The following MARCHF1 variants were observed in gnomAD, a reference collection of about 807,000 sequenced individuals.
MARCHF1 encodes membrane associated ring-CH-type finger 1.
MARCHF1 carries 40 observed loss-of-function variants against 54.2 expected under a neutral mutation model. The ratio of observed to expected loss-of-function variants is 0.74; its 90% CI spans 0.57 to 0.96. The LOEUF is 0.96. Ranked by LOEUF, MARCHF1 falls within the 40% of genes least tolerant of loss-of-function variation. The pLI is 0.00. For synonymous variants in MARCHF1, 236 were observed against 236.3 expected (o/e 1.00, Z 0.01); for missense variants, 586 against 656.5 (o/e 0.89, Z 1.17).
chr4:163,590,485 G>A (rs1450094122), intron 7 of MARCHF1, among the ~76,000 whole-genome samples: 1 of 152,080 alleles, frequency 6.6e-6, no homozygotes, highest in Admixed American at 6.6e-5. Context: ...CTTTAAGACT[G>A]TGTTCCTTCC....
chr4:164,176,972 CTCTCTCTCTATATATATATATATATAT>C (rs1730696554), intron 1 of MARCHF1, among the ~76,000 whole-genome samples: 1 of 56,834 alleles, frequency 1.8e-5, no homozygotes, highest in Non-Finnish European at 3.1e-5. Flanking sequence ...CTCTCTCTCT[CTCTCTCTCTATATATATATATATATAT>C]ATATATATAT....
At chr4:163,707,692 A>C (rs1511782) in intron 4 of MARCHF1, among the ~76,000 whole-genome samples, 48,286 of 151,016 alleles carry the variant, frequency 0.32, 9,422 homozygotes, top group Non-Finnish European at 0.45. Flanking sequence ...TCATGCAGTA[A>C]TTTCACCCTT....
intron 8 of MARCHF1, among the ~76,000 whole-genome samples, chr4:163,545,945 ATATGTG>A (rs1738886915): frequency 2.2e-5 from 2 of 91,238 alleles, no homozygotes; most frequent in East Asian, 3.1e-4. Flanking sequence ...ACTTAAATAC[ATATGTG>A]TGTGTGTGTG....
At chr4:164,331,175 AT>A (rs575667339) in intron 1 of MARCHF1, among the ~76,000 whole-genome samples, 178 of 152,278 alleles carry the variant, frequency 1.2e-3, no homozygotes, top group African/African-American at 4.1e-3. Flanking sequence ...AGTGAATAGC[AT>A]TACCTTTTAT....
chr4:163,905,565 A>G (rs922906497), intron 3 of MARCHF1, among the ~76,000 whole-genome samples: 2 of 152,130 alleles, frequency 1.3e-5, no homozygotes, highest in African/African-American at 4.8e-5. Flanking sequence ...ATTTCTGCTG[A>G]GAGCAGGGGA....
intron 4 of MARCHF1, among the ~76,000 whole-genome samples, chr4:163,755,096 T>C (rs1746628831): frequency 6.6e-6 from 1 of 152,182 alleles, no homozygotes; most frequent in Admixed American, 6.5e-5. Flanking sequence ...GCCACCTAGT[T>C]GGCAGAGGCA....
chr4:164,213,557 C>G (rs955277758), intron 1 of MARCHF1, among the ~76,000 whole-genome samples: 1 of 151,830 alleles, frequency 6.6e-6, no homozygotes, highest in African/African-American at 2.4e-5. Context: ...TTTAAAAATT[C>G]TACGTAACAC....
At chr4:163,658,270 A>G (rs1344352672) in intron 5 of MARCHF1, among the ~76,000 whole-genome samples, 1 of 152,136 alleles carries the variant, frequency 6.6e-6, no homozygotes, top group Non-Finnish European at 1.5e-5. Flanking sequence ...TTCTCAAAAG[A>G]AGACATTCAT....
At chr4:163,797,708 TAG>T (rs1307837605) in intron 4 of MARCHF1, among the ~76,000 whole-genome samples, 4 of 152,228 alleles carry the variant, frequency 2.6e-5, no homozygotes, top group South Asian at 2.1e-4. Flanking sequence ...TATTTATTTC[TAG>T]AGTTTCATTT....
intron 2 of MARCHF1, among the ~76,000 whole-genome samples, chr4:164,005,071 A>C (rs901944389): frequency 6.6e-6 from 1 of 151,956 alleles, no homozygotes; most frequent in East Asian, 1.9e-4. Context: ...AAAGATAAAT[A>C]AATCAAAAGA....
intron 5 of MARCHF1, among the ~76,000 whole-genome samples, chr4:163,639,323 G>A (rs1433168387): frequency 3.3e-5 from 5 of 152,088 alleles, no homozygotes; most frequent in Non-Finnish European, 5.9e-5. Context: ...TGCACTGTCC[G>A]TAATATAAAA....
intron 4 of MARCHF1, among the ~76,000 whole-genome samples, chr4:163,720,800 G>A (rs1745426884): frequency 1.3e-5 from 2 of 152,102 alleles, no homozygotes; most frequent in Admixed American, 6.6e-5. Flanking sequence ...ATTGTGAATG[G>A]GAGTTCACTC....
At chr4:164,213,573 C>T (rs1243062023) in intron 1 of MARCHF1, among the ~76,000 whole-genome samples, 1 of 151,922 alleles carries the variant, frequency 6.6e-6, no homozygotes, top group African/African-American at 2.4e-5. Context: ...AACACATTGA[C>T]TACAGACAAC....
intron 3 of MARCHF1, among the ~76,000 whole-genome samples, chr4:163,897,702 C>T (rs572396990): frequency 4.6e-5 from 7 of 152,086 alleles, no homozygotes; most frequent in South Asian, 4.2e-4. Context: ...CATCTCTCAC[C>T]GCATAAAAAG....
At chr4:163,623,574 G>A (rs182473801) in intron 5 of MARCHF1, among the ~76,000 whole-genome samples, 21 of 152,298 alleles carry the variant, frequency 1.4e-4, no homozygotes, top group Admixed American at 9.8e-4. Context: ...CAATAATGGG[G>A]TCTGAGAGCT....
intron 3 of MARCHF1, among the ~76,000 whole-genome samples, chr4:163,870,328 C>A (rs771983274): frequency 6.6e-6 from 1 of 152,062 alleles, no homozygotes; most frequent in Non-Finnish European, 1.5e-5. Flanking sequence ...ATCTTTCAAA[C>A]TGACCCCATT....
chr4:163,857,120 AC>A (rs1749790835), intron 3 of MARCHF1, among the ~76,000 whole-genome samples: 1 of 151,262 alleles, frequency 6.6e-6, no homozygotes, highest in Non-Finnish European at 1.5e-5. Flanking sequence ...AAAAAAAAAA[AC>A]AAGGAAAGAC....
At chr4:163,949,219 G>A (rs1752082470) in intron 3 of MARCHF1, among the ~76,000 whole-genome samples, 1 of 152,366 alleles carries the variant, frequency 6.6e-6, no homozygotes, top group South Asian at 2.1e-4. Flanking sequence ...GCCGGCTGCG[G>A]TGGGGCAGGC....
At chr4:164,073,781 T>G (rs1439007153) in intron 2 of MARCHF1, among the ~76,000 whole-genome samples, 2 of 151,476 alleles carry the variant, frequency 1.3e-5, no homozygotes, top group African/African-American at 2.4e-5. Flanking sequence ...TTTAGAAAGT[T>G]TTTTTTTTGT....
Sources: gnomAD v4.1 joint callset for allele counts (sites outside exome capture counted in the v4.1 genomes callset) on GRCh38, gnomAD v4.1.1 for gene constraint, MANE v1.5 for transcripts, NCBI Gene and HGNC (gene_info 2026-07-23, HGNC 2026-07-21) for gene names.